ZNF174: variants seen among roughly 807,000 people sequenced by gnomAD.
ZNF174 encodes AW-1.
ZNF174 carries 30 observed loss-of-function variants against 38.7 expected under a neutral mutation model. That is an observed-to-expected ratio of 0.78 (90% CI 0.58 to 1.05). ZNF174 has a LOEUF of 1.05. ZNF174 is among the 50% of genes least tolerant of loss of function. ZNF174 has a pLI of 0.00. For missense variants in ZNF174, 499 were observed against 495.6 expected (o/e 1.01, Z -0.06); for synonymous variants, 201 against 181.7 (o/e 1.11, Z -0.86).
chr16:3,404,279 C>T (rs1373669411), intron 1 of ZNF174, 147 bp from the exon 2 acceptor site: 1 of 775,754 alleles, frequency 1.3e-6, no homozygotes, highest in Non-Finnish European at 2.1e-6. Context: ...CCTTTACTTC[C>T]TTTGAGGGTT....
At chr16:3,406,828 T>C (rs2034061804) in intron 2 of ZNF174, among the ~76,000 whole-genome samples, 1 of 152,222 alleles carries the variant, frequency 6.6e-6, no homozygotes, top group Admixed American at 6.5e-5. Flanking sequence ...ATATGTAAAA[T>C]AGCACTGCCT....
intron 2 of ZNF174, among the ~76,000 whole-genome samples, chr16:3,405,336 G>C (rs2034040313): frequency 6.6e-6 from 1 of 152,214 alleles, no homozygotes; most frequent in South Asian, 2.1e-4. Flanking sequence ...TAAAATGCTA[G>C]AGACTAGGTA....
chr16:3,401,942 C>A lies in ZNF174; in HGVS notation c.-63C>A. 1.3e-6 allele frequency: 2 copies of A among 1,564,486 alleles called. No homozygotes were observed. ...TCTTTCTAGTATTCAGAGACTTCTC[C>A]AGGGTCATGATCCCAAAGGCTTAAC... On this transcript the variant is annotated 5_prime_UTR_variant, in exon 1 of 3. Coordinates refer to ENST00000268655, the MANE Select transcript of ZNF174 (RefSeq NM_003450.3).
chr16:3,405,290 G>T (rs913288209), intron 2 of ZNF174, among the ~76,000 whole-genome samples: 1 of 152,196 alleles, frequency 6.6e-6, no homozygotes, highest in South Asian at 2.1e-4. Flanking sequence ...CATCCAATGA[G>T]GTACTTCGTG....
Position 3,408,824 on chromosome 16 carries a change from A to G in ZNF174, c.1129A>G (p.Thr377Ala). Residue 377 changes from threonine (T) to alanine (A), a missense_variant, in exon 3 of 3, where the codon ACT becomes GCT. Physicochemically the swap from Thr to Ala is moderately conservative, Grantham distance 58 (BLOSUM62 0). Transcript: ENST00000268655. ...CCTGAAGCTGCACCAGAGGATCCAC[A>G]CTGGAGAGAAGCCATACCAGTGTGG... ...STLKLHQRIH[T>A]GEKPYQCGQC... 6.2e-7 allele frequency: 1 copy of G among 1,614,176 alleles called. No homozygotes were observed. The highest frequency in any genetic ancestry group is 8.5e-7 in the Non-Finnish European group (1 of 1,180,038).
chr16:3,408,802 G>A lies in ZNF174; in HGVS notation c.1107G>A (p.Leu369=), dbSNP rs746500620. The A allele has an allele frequency of 8.7e-6, 14 of 1,613,970 alleles. No individual in the cohort carries two copies. Among genetic ancestry groups the A allele is most frequent in the Non-Finnish European group, 9.3e-6 (11 of 1,180,002 alleles). ...ACTGCTTTGGGCGGCAGTCAACCCT[G>A]AAGCTGCACCAGAGGATCCACACTG... ...CGNCFGRQST[L]KLHQRIHTGE... is the part of the protein sequence containing the mutation. The change falls in exon 3 of 3, where the codon CTG becomes CTA. Residue 369 remains leucine, a synonymous_variant. Coordinates refer to ENST00000268655, the MANE Select transcript of ZNF174 (RefSeq NM_003450.3).
intron 1 of ZNF174, among the ~76,000 whole-genome samples, chr16:3,404,118 C>T (rs1290529772): frequency 2.6e-5 from 4 of 152,266 alleles, no homozygotes; most frequent in African/African-American, 9.6e-5. Context: ...GAGTAGGCAT[C>T]TGATGGCCCA....
Position 3,408,696 on chromosome 16 carries a change from G to A in ZNF174, c.1001G>A (p.Ser334Asn). The A allele has an allele frequency of 1.2e-6, 2 of 1,614,158 alleles. No homozygotes were observed. The highest frequency in any genetic ancestry group is 1.7e-6 in the Non-Finnish European group (2 of 1,180,034). ...TACAAATGTGATGACTGTGGGAAAA[G>A]CTTCACGTGGAATTCAGAGCTGAAG... is the stretch of plus-strand genomic sequence containing the variant. ...KPYKCDDCGK[S>N]FTWNSELKRH... is the part of the protein sequence containing the mutation. Residue 334 changes from serine (S) to asparagine (N), a missense_variant, in exon 3 of 3, where the codon AGC (serine) becomes AAC (asparagine). Ser to Asn is a conservative substitution (Grantham distance 46, BLOSUM62 1). Transcript: ENST00000268655.
At chr16:3,408,207 G>C in intron 2 of ZNF174, 114 bp from the exon 3 acceptor site, 1 of 1,007,460 alleles carries the variant, frequency 9.9e-7, no homozygotes, top group South Asian at 1.6e-5. Flanking sequence ...TGAGTCTAAT[G>C]CAAGTTGCCA....
rs1018043742 is a variant in ZNF174 at position 3,408,526 on chromosome 16, G to C, written c.831G>C (p.Gln277His). ...PNAQKPFAHY[Q>H]RHCRVEYISS... ...CTCAAAAGCCATTTGCTCACTACCA[G>C]AGACATTGCAGGGTGGAATACATCA... The change falls in exon 3 of 3, where the codon CAG becomes CAC. Residue 277 changes from glutamine (Q) to histidine (H), a missense_variant. Physicochemically the swap from Gln to His is conservative, Grantham distance 24. Coordinates refer to ENST00000268655, the MANE Select transcript of ZNF174 (RefSeq NM_003450.3). The C allele has an allele frequency of 6.2e-7, 1 of 1,614,060 alleles. No individual in the cohort carries two copies. The highest frequency in any genetic ancestry group is 8.5e-7 in the Non-Finnish European group (1 of 1,180,046).
chr16:3,403,193 G>A (rs2033989587), intron 1 of ZNF174, among the ~76,000 whole-genome samples: 1 of 86,900 alleles, frequency 1.2e-5, no homozygotes, highest in African/African-American at 5.0e-5. Flanking sequence ...TTTTTGAGAT[G>A]GAGTCTTGCT....
At position 3,401,291 on chromosome 16, in the gene ZNF174, T is replaced by G. The variant is rs1224022599; in HGVS notation, c.-714T>G. ...GAGAGGTGAGTCGGCTGCAGGTGGGTGCGGGGCGCCGGGCTGTTCGGGGTA... is the reference window on the plus strand; with the variant it reads ...GAGAGGTGAGTCGGCTGCAGGTGGGGGCGGGGCGCCGGGCTGTTCGGGGTA... On this transcript the variant is annotated 5_prime_UTR_variant, in exon 1 of 3. Coordinates refer to ENST00000268655, the MANE Select transcript of ZNF174 (RefSeq NM_003450.3). The G allele has an allele frequency of 6.6e-6, 1 of 152,164 alleles. No homozygotes were observed. The highest frequency in any genetic ancestry group is 2.4e-5 in the African/African-American group (1 of 41,312). 9.4% of individuals were successfully genotyped at this position (152,164 alleles called of 1,614,324 possible).
Position 3,401,635 on chromosome 16 carries a change from C to T in ZNF174, c.-370C>T. 4.7e-6 allele frequency: 1 copy of T among 211,120 alleles called. No individual in the cohort carries two copies. The allele number at this position is 211,120 out of a possible 1,614,324, so 13.1% of individuals were successfully genotyped here. On this transcript the variant is annotated 5_prime_UTR_variant, in exon 1 of 3. Transcript: ENST00000268655. ...CTACCTGCGACAGCTTGAACTTTTC[C>T]TAGGGATTCCGCTCCACCCGCCGGT...
chr16:3,408,039 A>G (rs1019587791), intron 2 of ZNF174, among the ~76,000 whole-genome samples: 13 of 152,126 alleles, frequency 8.5e-5, no homozygotes, highest in African/African-American at 1.4e-4. Flanking sequence ...AGAAAGGAAG[A>G]AGGAGGATGG....
intron 2 of ZNF174, among the ~76,000 whole-genome samples, chr16:3,405,959 G>C (rs1313099807): frequency 6.6e-6 from 1 of 152,216 alleles, no homozygotes; most frequent in African/African-American, 2.4e-5. Flanking sequence ...AGTGAACTGA[G>C]ATCGTGCCAC....
chr16:3,401,807 A>T lies in ZNF174; in HGVS notation c.-198A>T. On this transcript the variant is annotated 5_prime_UTR_variant, in exon 1 of 3. Coordinates refer to ENST00000268655, the MANE Select transcript of ZNF174 (RefSeq NM_003450.3). ...CTGACAAGAAGACAAAACTCTTCCC[A>T]CTCCCAGGGACCGCGTTGTCTTGAG... The T allele has an allele frequency of 1.6e-6, 1 of 609,958 alleles. No homozygotes were observed. Among genetic ancestry groups the T allele is most frequent in the Non-Finnish European group, 2.8e-6 (1 of 363,614 alleles). 37.8% of individuals were successfully genotyped at this position (609,958 alleles called of 1,614,324 possible).
Position 3,402,063 on chromosome 16 carries a change from A to T in ZNF174, c.59A>T (p.Glu20Val). 1 of 1,614,090 alleles carries T rather than the reference A, an allele frequency of 6.2e-7. No homozygotes were observed. The highest frequency in any genetic ancestry group is 1.6e-4 in the Middle Eastern group (1 of 6,062). Residue 20 changes from glutamate (E) to valine (V), a missense_variant, in exon 1 of 3, where the codon GAG (glutamate) becomes GTG (valine). Physicochemically the swap from Glu to Val is moderately radical, Grantham distance 121. Coordinates refer to ENST00000268655, the MANE Select transcript of ZNF174 (RefSeq NM_003450.3). The stretch of plus-strand genomic sequence containing the variant: ...AACACTGAAGCTTCCTCCAAGCAAG[A>T]GAGACACATAATAGCCAAACTAGAA... ...SSNTEASSKQ[E>V]RHIIAKLEEK...
In ZNF174 at chr16:3,402,104, C is replaced by T; in HGVS notation, c.100C>T (p.Pro34Ser). 6.2e-7 allele frequency: 1 copy of T among 1,614,178 alleles called. No homozygotes were observed. Among genetic ancestry groups the T allele is most frequent in the Non-Finnish European group, 8.5e-7 (1 of 1,180,030 alleles). The stretch of plus-strand genomic sequence containing the variant: ...CAAACTAGAAGAGAAACGGGGCCCT[C>T]CTCTGCAAAAAAACTGCCCAGATCC... ...IAKLEEKRGPPLQKNCPDPEL... is the reference protein window; with the variant it reads ...IAKLEEKRGPSLQKNCPDPEL... Residue 34 changes from proline to serine, a missense_variant, in exon 1 of 3, where the codon CCT becomes TCT. Physicochemically the swap from Pro to Ser is moderately conservative, Grantham distance 74 (BLOSUM62 -1). Transcript: ENST00000268655.
At position 3,405,107 on chromosome 16, in the gene ZNF174, T is replaced by C. The variant is rs536594910; in HGVS notation, c.625+459T>C. 6.6e-5 allele frequency: 97 copies of C among 1,469,828 alleles called. No individual in the cohort carries two copies. The African/African-American group carries it at 1.2e-3, about 19-fold the overall frequency. 91.0% of individuals were successfully genotyped at this position (1,469,828 alleles called of 1,614,324 possible). ...ATCCTCAAATCTATTTCCCTTTCTC[T>C]GGTGTGATACTTGTGTAACTGCTGG... On this transcript the variant is annotated intron_variant, in intron 2 of 2. Coordinates refer to ENST00000268655, the MANE Select transcript of ZNF174 (RefSeq NM_003450.3).
Sources: gnomAD v4.1 joint callset for allele counts (sites outside exome capture counted in the v4.1 genomes callset) on GRCh38, gnomAD v4.1.1 for gene constraint, MANE v1.5 for transcripts, NCBI Gene and HGNC (gene_info 2026-07-23, HGNC 2026-07-21) for gene names.